ROBO1: variants seen among roughly 807,000 people sequenced by gnomAD.
ROBO1 encodes the protein roundabout homolog 1.
Under a neutral mutation model 195.9 loss-of-function variants are expected in ROBO1, and 149 were observed. That is an observed-to-expected ratio of 0.76 (90% CI 0.67 to 0.87). The LOEUF (loss-of-function observed/expected upper bound fraction) is 0.87. ROBO1 is among the 40% of genes least tolerant of loss of function. ROBO1 has a pLI of 0.00. For synonymous variants in ROBO1, 816 were observed against 733.2 expected, an observed-to-expected ratio of 1.11 and a Z score of -1.82; for missense variants, 1,933 against 2,068.3, an observed-to-expected ratio of 0.93 and a Z score of 1.27.
At chr3:79,148,115 T>G (rs1430880056) in intron 2 of ROBO1, among the ~76,000 whole-genome samples, 1 of 151,898 alleles carries the variant, frequency 6.6e-6, no homozygotes, top group East Asian at 1.9e-4. Flanking sequence ...CCGCAATAAT[T>G]ATTCTTTGAT....
At chr3:79,268,455 G>A (rs1053395711) in intron 2 of ROBO1, among the ~76,000 whole-genome samples, 2 of 151,530 alleles carry the variant, frequency 1.3e-5, no homozygotes, top group Non-Finnish European at 3.0e-5. Flanking sequence ...TGTCCCACAT[G>A]ATGAAGACGT....
chr3:79,586,068 C>G (rs1343097001), intron 2 of ROBO1, among the ~76,000 whole-genome samples: 1 of 151,866 alleles, frequency 6.6e-6, no homozygotes, highest in Admixed American at 6.6e-5. Context: ...AATATTCTGT[C>G]ACATTTAGAT....
chr3:78,697,236 A>C (rs1260967339), intron 8 of ROBO1, among the ~76,000 whole-genome samples: 2 of 152,068 alleles, frequency 1.3e-5, no homozygotes, highest in South Asian at 4.1e-4. Context: ...AAGGAAGTAA[A>C]AGAAAGGAAG....
At chr3:79,155,695 G>GT (rs1432507760) in intron 2 of ROBO1, among the ~76,000 whole-genome samples, 4 of 151,670 alleles carry the variant, frequency 2.6e-5, no homozygotes, top group Admixed American at 6.6e-5. Context: ...CATTACTCCT[G>GT]TTTTTTGAGT....
At chr3:79,729,989 C>T (rs1447026252) in intron 1 of ROBO1, among the ~76,000 whole-genome samples, 2 of 152,318 alleles carry the variant, frequency 1.3e-5, no homozygotes, top group African/African-American at 4.8e-5. Context: ...TAATGTTTTA[C>T]TTTGCTAAAT....
chr3:78,899,447 G>A (rs2037451019), intron 4 of ROBO1, among the ~76,000 whole-genome samples: 1 of 152,138 alleles, frequency 6.6e-6, no homozygotes, highest in African/African-American at 2.4e-5. Context: ...ATAAGAGGAT[G>A]CATGGTTATG....
At chr3:79,359,478 T>A (rs1445519642) in intron 2 of ROBO1, among the ~76,000 whole-genome samples, 1 of 152,072 alleles carries the variant, frequency 6.6e-6, no homozygotes, top group Non-Finnish European at 1.5e-5. Context: ...TATCATATGT[T>A]GTCTGTATAT....
intron 3 of ROBO1, among the ~76,000 whole-genome samples, chr3:79,047,343 G>A (rs539410145): frequency 1.1e-4 from 16 of 151,992 alleles, no homozygotes; most frequent in African/African-American, 3.4e-4. Flanking sequence ...AAATGTGAGA[G>A]GAATGAGATA....
intron 2 of ROBO1, among the ~76,000 whole-genome samples, chr3:79,454,401 A>G (rs2039550154): frequency 6.6e-6 from 1 of 152,094 alleles, no homozygotes. Context: ...AACGTGGGAC[A>G]CCTACTACAC....
intron 2 of ROBO1, among the ~76,000 whole-genome samples, chr3:79,135,096 G>T (rs569189237): frequency 6.6e-6 from 1 of 151,420 alleles, no homozygotes; most frequent in African/African-American, 2.4e-5. Context: ...ACTATAATAC[G>T]TTCTTATTAA....
intron 3 of ROBO1, among the ~76,000 whole-genome samples, chr3:79,057,934 C>G (rs556955424): frequency 6.6e-5 from 10 of 152,132 alleles, no homozygotes; most frequent in Admixed American, 3.3e-4. Context: ...CAGATACCCC[C>G]CTCTGTGCCT....
intron 4 of ROBO1, among the ~76,000 whole-genome samples, chr3:78,765,162 C>A (rs1477490438): frequency 6.6e-6 from 1 of 151,952 alleles, no homozygotes; most frequent in Non-Finnish European, 1.5e-5. Context: ...TAGGCCTTCT[C>A]TCGAAGTTTC....
At chr3:79,678,837 A>T (rs1160847997) in intron 1 of ROBO1, among the ~76,000 whole-genome samples, 4 of 152,060 alleles carry the variant, frequency 2.6e-5, no homozygotes, top group African/African-American at 9.7e-5. Flanking sequence ...ACTGCTGCTG[A>T]ATTCCAGGCA....
chr3:78,633,958 G>C lies in ROBO1; in HGVS notation c.3458C>G (p.Ser1153Ter). Reference protein sequence around the residue: ...DQNTGGSYNSSDRGSSTSGSQ... With the variant: ...DQNTGGSYNS ...ACCAGATGTACTACTGCCCCGGTCT[G>C]AGCTGTTGTAGGATCCTCCTGTGTT... The change falls in exon 24 of 31, where the codon TCA (serine) becomes TGA (stop). Residue 1153 changes from serine to a stop codon, truncating the protein, a stop_gained. Coordinates refer to ENST00000464233, the MANE Select transcript of ROBO1 (RefSeq NM_002941.4). LOFTEE classifies it high-confidence loss of function. 6.2e-7 allele frequency: 1 copy of C among 1,611,762 alleles called. No homozygotes were observed. The highest frequency in any genetic ancestry group is 8.5e-7 in the Non-Finnish European group (1 of 1,178,380).
At chr3:78,700,542 ATAAAC>A (rs1212515569) in intron 8 of ROBO1, among the ~76,000 whole-genome samples, 3 of 152,194 alleles carry the variant, frequency 2.0e-5, no homozygotes, top group African/African-American at 7.2e-5. Flanking sequence ...CATAAATTAC[ATAAAC>A]ATTCTCCATC....
At chr3:79,468,631 C>G (rs977272690) in intron 2 of ROBO1, among the ~76,000 whole-genome samples, 1 of 152,070 alleles carries the variant, frequency 6.6e-6, no homozygotes, top group Non-Finnish European at 1.5e-5. Flanking sequence ...AAAGAGCAAT[C>G]ATTCATTTTT....
At chr3:78,701,147 C>T (rs558055674) in intron 8 of ROBO1, among the ~76,000 whole-genome samples, 1 of 152,280 alleles carries the variant, frequency 6.6e-6, no homozygotes, top group African/African-American at 2.4e-5. Context: ...TAAAACCTTG[C>T]TCTAATGTAA....
At chr3:78,912,821 A>T (rs1202168417) in intron 4 of ROBO1, among the ~76,000 whole-genome samples, 2 of 152,148 alleles carry the variant, frequency 1.3e-5, no homozygotes, top group Non-Finnish European at 2.9e-5. Flanking sequence ...GTGAGTAAAC[A>T]TCAGATGTTT....
chr3:79,298,266 CAA>C (rs2032703221), intron 2 of ROBO1, among the ~76,000 whole-genome samples: 1 of 152,080 alleles, frequency 6.6e-6, no homozygotes. Flanking sequence ...AACATACGAA[CAA>C]AAAGTCTTTG....
Sources: gnomAD v4.1 joint callset for allele counts (sites outside exome capture counted in the v4.1 genomes callset) on GRCh38, gnomAD v4.1.1 for gene constraint, MANE v1.5 for transcripts, NCBI Gene and HGNC (gene_info 2026-07-23, HGNC 2026-07-21) for gene names.